The following PATJ variants were observed in gnomAD, a reference collection of about 807,000 sequenced individuals.
PATJ encodes PATJ crumbs cell polarity complex component.
A neutral mutation model predicts 224.9 loss-of-function variants in PATJ; 190 were observed. The observed-to-expected ratio is 0.84, with a 90% confidence interval of 0.75 to 0.95. The LOEUF is 0.95. Among genes scored for constraint, PATJ ranks in the 40% least tolerant of loss-of-function variants. The pLI, the probability that PATJ is intolerant of heterozygous loss-of-function variation, is 0.00. For synonymous variants in PATJ, 769 were observed against 820.3 expected, an observed-to-expected ratio of 0.94 and a Z score of 1.07; for missense variants, 2,121 against 2,270.3, an observed-to-expected ratio of 0.93 and a Z score of 1.34.
chr1:62,033,717 G>A lies in PATJ; in HGVS notation c.3960-4260G>A, dbSNP rs1649774420. Reference sequence around the variant, plus strand: ...ACTGATAGCTGGCCGACTACAGGCAGCACAGCCTCACTAACTCATGGAAAC... The same window carrying A: ...ACTGATAGCTGGCCGACTACAGGCAACACAGCCTCACTAACTCATGGAAAC... On this transcript the variant is annotated intron_variant, in intron 29 of 43. Transcript: ENST00000642238. 2.6e-5 allele frequency among the ~76,000 whole-genome samples: 4 copies of A among 152,190 alleles called. No homozygotes were observed. In the South Asian group the frequency reaches 8.3e-4, roughly 32 times the overall value.
At chr1:61,839,718 T>G (rs1457121296) in intron 17 of PATJ, among the ~76,000 whole-genome samples, 1 of 152,138 alleles carries the variant, frequency 6.6e-6, no homozygotes, top group Admixed American at 6.5e-5. Context: ...ATTGCCATCC[T>G]TGGTACTTTT....
At chr1:62,026,311 A>G (rs183616076) in intron 29 of PATJ, among the ~76,000 whole-genome samples, 2 of 152,298 alleles carry the variant, frequency 1.3e-5, no homozygotes, top group East Asian at 1.9e-4. Context: ...TCCTGGCTGA[A>G]TGTTAATTCA....
intron 27 of PATJ, among the ~76,000 whole-genome samples, chr1:61,946,235 A>G (rs1678681809): frequency 6.6e-6 from 1 of 152,194 alleles, no homozygotes; most frequent in African/African-American, 2.4e-5. Flanking sequence ...ACTGAAGGAG[A>G]TAGAGACACA....
chr1:61,908,116 A>T (rs558190994), intron 24 of PATJ, among the ~76,000 whole-genome samples: 1 of 152,194 alleles, frequency 6.6e-6, no homozygotes. Flanking sequence ...CCTGTTTTGG[A>T]TAATTATATT....
chr1:61,966,269 T>C (rs1682123778), intron 27 of PATJ, among the ~76,000 whole-genome samples: 1 of 152,186 alleles, frequency 6.6e-6, no homozygotes, highest in South Asian at 2.1e-4. Context: ...TGCCAGTGCC[T>C]CCTTGTCTTT....
At chr1:62,047,565 C>T (rs1652794296) in intron 30 of PATJ, among the ~76,000 whole-genome samples, 1 of 152,080 alleles carries the variant, frequency 6.6e-6, no homozygotes. Flanking sequence ...TTGACTATTT[C>T]AAAGCTCCAC....
At chr1:61,989,663 G>C (rs1186063320) in intron 27 of PATJ, among the ~76,000 whole-genome samples, 1 of 152,092 alleles carries the variant, frequency 6.6e-6, no homozygotes, top group African/African-American at 2.4e-5. Context: ...GTGCGGGTGG[G>C]TTGGGGCAGA....
At chr1:61,957,388 A>G (rs759894967) in intron 27 of PATJ, among the ~76,000 whole-genome samples, 1 of 152,238 alleles carries the variant, frequency 6.6e-6, no homozygotes, top group African/African-American at 2.4e-5. Context: ...TAATTTTTCT[A>G]TAATCATAAA....
chr1:61,972,818 C>T (rs1260656148), intron 27 of PATJ, among the ~76,000 whole-genome samples: 1 of 151,980 alleles, frequency 6.6e-6, no homozygotes, highest in Non-Finnish European at 1.5e-5. Context: ...TCAACAGGTA[C>T]AGTGTGGCTT....
chr1:61,840,262 C>G (rs1660870752), intron 17 of PATJ, among the ~76,000 whole-genome samples: 1 of 151,794 alleles, frequency 6.6e-6, no homozygotes, highest in African/African-American at 2.4e-5. Context: ...TGTCTTTTTC[C>G]TTACCCTATG....
chr1:61,762,086 T>G (rs1412847552), intron 1 of PATJ, among the ~76,000 whole-genome samples: 1 of 152,194 alleles, frequency 6.6e-6, no homozygotes, highest in Non-Finnish European at 1.5e-5. Flanking sequence ...AAGTCTTTTT[T>G]GCACCTGCTG....
intron 27 of PATJ, among the ~76,000 whole-genome samples, chr1:61,976,130 C>T (rs1211108970): frequency 1.3e-5 from 2 of 151,936 alleles, no homozygotes; most frequent in African/African-American, 4.9e-5. Flanking sequence ...TTCCATGTCT[C>T]GCCTTAAATT....
intron 41 of PATJ, among the ~76,000 whole-genome samples, chr1:62,140,319 C>T (rs1449099190): frequency 6.6e-6 from 1 of 152,070 alleles, no homozygotes; most frequent in African/African-American, 2.4e-5. Flanking sequence ...TAAGACGATG[C>T]TACAGAAGTG....
At chr1:62,130,162 G>A (rs778377404) in intron 41 of PATJ, among the ~76,000 whole-genome samples, 32 of 150,598 alleles carry the variant, frequency 2.1e-4, no homozygotes, top group Non-Finnish European at 4.1e-4. Flanking sequence ...GCAAGATCCC[G>A]TCTCTACAAA....
chr1:61,842,449 T>C (rs1241441201), intron 17 of PATJ, among the ~76,000 whole-genome samples: 1 of 152,198 alleles, frequency 6.6e-6, no homozygotes, highest in Non-Finnish European at 1.5e-5. Context: ...AGGGTAGCTT[T>C]CCTTTTAACA....
intron 20 of PATJ, among the ~76,000 whole-genome samples, chr1:61,873,418 T>A (rs1666918692): frequency 6.6e-6 from 1 of 152,096 alleles, no homozygotes; most frequent in Non-Finnish European, 1.5e-5. Flanking sequence ...ATCTACACAT[T>A]TTGGCCTCCC....
chr1:62,035,605 C>T (rs1650235376), intron 29 of PATJ, among the ~76,000 whole-genome samples: 1 of 150,282 alleles, frequency 6.7e-6, no homozygotes, highest in Non-Finnish European at 1.5e-5. Flanking sequence ...ACCCACCCCA[C>T]CATTCATTCA....
At chr1:62,036,470 C>T (rs983090596) in intron 29 of PATJ, among the ~76,000 whole-genome samples, 2 of 151,906 alleles carry the variant, frequency 1.3e-5, no homozygotes, top group South Asian at 2.1e-4. Context: ...GGTGAATGAG[C>T]GGGATAAAAA....
chr1:61,917,606 T>C (rs554759307), intron 26 of PATJ, among the ~76,000 whole-genome samples: 77 of 152,334 alleles, frequency 5.1e-4, no homozygotes, highest in African/African-American at 1.8e-3. Context: ...ATTGCTGATA[T>C]TTATTTTAGG....
Sources: allele counts gnomAD v4.1 joint callset (sites outside exome capture counted in the v4.1 genomes callset), GRCh38; gene constraint gnomAD v4.1.1; transcripts MANE v1.5; gene names NCBI Gene and HGNC (gene_info 2026-07-23, HGNC 2026-07-21).